The following GRIA4 variants were observed in gnomAD, a reference collection of about 807,000 sequenced individuals.
GRIA4 encodes glutamate receptor 4.
Under a neutral mutation model 104.0 loss-of-function variants are expected in GRIA4, and 34 were observed. The ratio of observed to expected loss-of-function variants is 0.33; its 90% CI spans 0.25 to 0.44. GRIA4 has a LOEUF of 0.44. GRIA4 is among the 20% of genes least tolerant of loss of function. The pLI, the probability that GRIA4 is intolerant of heterozygous loss-of-function variation, is 1.00. For missense variants in GRIA4, 750 were observed against 1,096.5 expected, an observed-to-expected ratio of 0.68 and a Z score of 4.46; for synonymous variants, 386 against 381.9, an observed-to-expected ratio of 1.01 and a Z score of -0.13.
At chr11:105,738,952 A>T (rs905993013) in intron 3 of GRIA4, among the ~76,000 whole-genome samples, 3 of 151,132 alleles carry the variant, frequency 2.0e-5, no homozygotes, top group Non-Finnish European at 3.0e-5. Flanking sequence ...AAACAAAAAA[A>T]ACCCAAAAAA....
At chr11:105,911,425 C>T (rs1280205068) in intron 10 of GRIA4, among the ~76,000 whole-genome samples, 5 of 151,814 alleles carry the variant, frequency 3.3e-5, no homozygotes, top group Non-Finnish European at 4.4e-5. Flanking sequence ...ACTCAGCTCA[C>T]GTCTCTTTAG....
At chr11:105,810,670 C>T (rs1332279819) in intron 4 of GRIA4, among the ~76,000 whole-genome samples, 1 of 151,958 alleles carries the variant, frequency 6.6e-6, no homozygotes, top group African/African-American at 2.4e-5. Context: ...ATACCTGACC[C>T]CGACCTTCCT....
In GRIA4 at chr11:105,732,130, G is replaced by A. The variant is rs144476470; in HGVS notation, c.248-20851G>A. On this transcript the variant is annotated intron_variant, in intron 3 of 16. Transcript: ENST00000282499. ...CAGCTACTATCTCTAGGCTGAGGAA[G>A]CATGAACAATAAGGAATTAAAGAGT... is the stretch of plus-strand genomic sequence containing the variant. Among the ~76,000 whole-genome samples the A allele has an allele frequency of 7.2e-5, 11 of 152,268 alleles. No homozygotes were observed. In the East Asian group the frequency reaches 2.1e-3, roughly 29 times the overall value.
At chr11:105,740,189 T>C (rs909494569) in intron 3 of GRIA4, among the ~76,000 whole-genome samples, 6 of 152,248 alleles carry the variant, frequency 3.9e-5, no homozygotes, top group African/African-American at 1.4e-4. Flanking sequence ...ACTATGATTA[T>C]AATTGGTTTC....
intron 4 of GRIA4, among the ~76,000 whole-genome samples, chr11:105,773,221 G>A (rs1235805663): frequency 1.3e-5 from 2 of 152,000 alleles, no homozygotes; most frequent in Admixed American, 1.3e-4. Context: ...ACAAGGTACA[G>A]GTCCCTTCTT....
chr11:105,699,899 C>G (rs1372304732), intron 3 of GRIA4, among the ~76,000 whole-genome samples: 6 of 152,140 alleles, frequency 3.9e-5, no homozygotes, highest in African/African-American at 1.4e-4. Context: ...GGCATACTTA[C>G]TTGTTTATCA....
chr11:105,962,261 T>C (rs1184277077), intron 14 of GRIA4, among the ~76,000 whole-genome samples: 1 of 152,128 alleles, frequency 6.6e-6, no homozygotes, highest in Non-Finnish European at 1.5e-5. Context: ...ATAAGTTATT[T>C]GTGGAGGGGT....
intron 4 of GRIA4, among the ~76,000 whole-genome samples, chr11:105,804,059 T>C (rs1156441305): frequency 6.6e-6 from 1 of 151,938 alleles, no homozygotes; most frequent in Non-Finnish European, 1.5e-5. Context: ...GGAATTTTAT[T>C]GTAGGATGCA....
At chr11:105,623,105 A>G (rs1170840253) in intron 3 of GRIA4, among the ~76,000 whole-genome samples, 1 of 140,946 alleles carries the variant, frequency 7.1e-6, no homozygotes, top group African/African-American at 2.7e-5. Context: ...TATTTTCCTT[A>G]TCCAGTCCTC....
chr11:105,780,752 T>C (rs1295284812), intron 4 of GRIA4, among the ~76,000 whole-genome samples: 2 of 152,306 alleles, frequency 1.3e-5, no homozygotes, highest in Middle Eastern at 3.4e-3. Context: ...AAAATAATCG[T>C]AACCATATCA....
intron 3 of GRIA4, among the ~76,000 whole-genome samples, chr11:105,681,702 A>G (rs1255399003): frequency 6.6e-6 from 1 of 152,192 alleles, no homozygotes; most frequent in Non-Finnish European, 1.5e-5. Flanking sequence ...TATTGATTAC[A>G]TATGGAATTG....
At chr11:105,943,027 C>T (rs1476158774) in intron 14 of GRIA4, among the ~76,000 whole-genome samples, 1 of 152,000 alleles carries the variant, frequency 6.6e-6, no homozygotes, top group Non-Finnish European at 1.5e-5. Context: ...TGAGTCTTAC[C>T]CTAGGCTCTC....
chr11:105,929,679 AT>A (rs1166598001), intron 13 of GRIA4, among the ~76,000 whole-genome samples: 3 of 152,132 alleles, frequency 2.0e-5, no homozygotes, highest in African/African-American at 7.2e-5. Context: ...CAAATAATGC[AT>A]TGATGAGCTG....
At chr11:105,857,353 G>T (rs1945044832) in intron 4 of GRIA4, among the ~76,000 whole-genome samples, 1 of 152,052 alleles carries the variant, frequency 6.6e-6, no homozygotes, top group Non-Finnish European at 1.5e-5. Flanking sequence ...TGCCAGACCA[G>T]AGATATTGAT....
At chr11:105,720,475 A>C (rs576678463) in intron 3 of GRIA4, among the ~76,000 whole-genome samples, 45 of 152,322 alleles carry the variant, frequency 3.0e-4, no homozygotes, top group Non-Finnish European at 4.0e-4. Context: ...GTTTCTCAAA[A>C]GATGTGAAAA....
At chr11:105,892,151 TTTAC>T in intron 6 of GRIA4, among the ~76,000 whole-genome samples, 1 of 152,112 alleles carries the variant, frequency 6.6e-6, no homozygotes, top group South Asian at 2.1e-4. Context: ...CAAGTGACCA[TTTAC>T]TTAATCATCT....
intron 14 of GRIA4, among the ~76,000 whole-genome samples, chr11:105,957,155 T>A (rs1397535166): frequency 6.6e-6 from 1 of 152,220 alleles, no homozygotes; most frequent in Non-Finnish European, 1.5e-5. Context: ...TGCCATTGCT[T>A]TTGGTGTTTT....
chr11:105,673,949 G>A (rs1952455809), intron 3 of GRIA4, among the ~76,000 whole-genome samples: 1 of 151,862 alleles, frequency 6.6e-6, no homozygotes, highest in Non-Finnish European at 1.5e-5. Flanking sequence ...AAATGCAAAT[G>A]AATTTTAATG....
chr11:105,804,452 C>T (rs1046298104), intron 4 of GRIA4, among the ~76,000 whole-genome samples: 3 of 151,590 alleles, frequency 2.0e-5, no homozygotes, highest in Non-Finnish European at 4.4e-5. Flanking sequence ...AAAGCAGAAT[C>T]CCCCACTTAA....
Sources: gnomAD v4.1 joint callset for allele counts (sites outside exome capture counted in the v4.1 genomes callset) on GRCh38, gnomAD v4.1.1 for gene constraint, MANE v1.5 for transcripts, NCBI Gene and HGNC (gene_info 2026-07-23, HGNC 2026-07-21) for gene names.